TRPV4: variants seen among roughly 807,000 people sequenced by gnomAD.
TRPV4 encodes the protein transient receptor potential cation channel subfamily V member 4.
In TRPV4, 58 loss-of-function variants were observed where a neutral mutation model predicts 84.1. That is an observed-to-expected ratio of 0.69 (90% confidence interval 0.56 to 0.86). The LOEUF is 0.86. Ranked by LOEUF, TRPV4 falls within the 40% of genes least tolerant of loss-of-function variation. The pLI, the probability that TRPV4 is intolerant of heterozygous loss-of-function variation, is 0.00. For missense variants in TRPV4, 879 were observed against 1,181.1 expected, an observed-to-expected ratio of 0.74 and a Z score of 3.75; for synonymous variants, 489 against 500.9, an observed-to-expected ratio of 0.98 and a Z score of 0.32.
intron 15 of TRPV4, 133 bp downstream of exon 15, chr12:109,784,183 G>A (rs1889532839): frequency 2.1e-6 from 3 of 1,419,922 alleles, no homozygotes; most frequent in Admixed American, 1.7e-5. Flanking sequence ...ACAAGCAGCA[G>A]AGGAAGCTCA....
At chr12:109,800,889 C>A in intron 4 of TRPV4, 131 bp from the exon 5 acceptor site, 1 of 837,624 alleles carries the variant, frequency 1.2e-6, no homozygotes, top group Non-Finnish European at 2.0e-6. Flanking sequence ...TGCCCAGCGA[C>A]ACCCAAGGGC....
intron 1 of TRPV4, 75 bp downstream of exon 1, chr12:109,833,275 G>A (rs1892466076): frequency 6.6e-6 from 1 of 152,298 alleles, no homozygotes; most frequent in African/African-American, 2.4e-5. Flanking sequence ...GGAGCCGGAC[G>A]GGCCACGGAG....
intron 3 of TRPV4, among the ~76,000 whole-genome samples, chr12:109,806,147 G>A (rs1592850341): frequency 2.0e-5 from 3 of 152,188 alleles, no homozygotes; most frequent in South Asian, 2.1e-4. Flanking sequence ...AGGCCACGTC[G>A]CGTGGCCAGG....
intron 1 of TRPV4, among the ~76,000 whole-genome samples, chr12:109,820,012 C>T (rs1892029876): frequency 1.3e-5 from 2 of 152,180 alleles, no homozygotes; most frequent in Non-Finnish European, 2.9e-5. Context: ...GCATCTTCCT[C>T]TGGAAAGGGC....
intron 13 of TRPV4, among the ~76,000 whole-genome samples, chr12:109,788,139 C>T (rs1182697242): frequency 2.6e-5 from 4 of 152,208 alleles, no homozygotes; most frequent in African/African-American, 4.8e-5. Context: ...TAGGTGGAGC[C>T]GACTGTGTCC....
intron 1 of TRPV4, among the ~76,000 whole-genome samples, chr12:109,825,502 T>A (rs1033164210): frequency 1.3e-5 from 2 of 152,110 alleles, no homozygotes; most frequent in Admixed American, 1.3e-4. Flanking sequence ...AGGTGGGGGA[T>A]GATGACATTG....
At chr12:109,801,851 G>A (rs1890807335) in intron 4 of TRPV4, among the ~76,000 whole-genome samples, 1 of 151,964 alleles carries the variant, frequency 6.6e-6, no homozygotes, top group African/African-American at 2.4e-5. Flanking sequence ...AACTCCTAGA[G>A]GAAACAACAG....
chr12:109,793,956 T>C lies in TRPV4; in HGVS notation c.1558A>G (p.Thr520Ala). 2 of 1,610,342 alleles carry C rather than the reference T, an allele frequency of 1.2e-6. No homozygotes were observed. Among genetic ancestry groups the C allele is most frequent in the South Asian group, 1.1e-5 (1 of 89,676 alleles). The change falls in exon 9 of 16, where the codon ACT (threonine) becomes GCT (alanine). Residue 520 changes from threonine (T) to alanine (A), a missense_variant. Around this residue, in one of 4 missense-constraint regions of TRPV4, gnomAD observed 521 missense variants for 686.6 expected, o/e 0.76. Transcript: ENST00000261740. This position sits in a 1 kb window ranked among gnomAD's most constrained non-coding sequence, Gnocchi z 4.0. ...RLAGEVITLF[T>A]GVLFFFTNIK... ...TTGGTGAAGAAGAACAGGACCCCAG[T>C]GAAGAGCGTAATGACCTCGCCAGCC... is the stretch of plus-strand genomic sequence containing the variant.
At chr12:109,791,181 G>C (rs557423563) in intron 12 of TRPV4, among the ~76,000 whole-genome samples, 1 of 151,912 alleles carries the variant, frequency 6.6e-6, no homozygotes, top group Non-Finnish European at 1.5e-5. Flanking sequence ...TCAGGAGTTC[G>C]AGACCAGCCT....
rs1207379343 is a variant in TRPV4 at position 109,814,410 on chromosome 12, C to T, written c.386+1G>A. ...CAGGCCAGGAAGCTAACAATACTCA[C>T]TCTATGATCTTCTTCCTCCACCTCT... On this transcript the variant is annotated splice_donor_variant, in intron 2 of 15. Transcript: ENST00000261740. LOFTEE classifies it high-confidence loss of function. This position sits in a 1 kb window ranked among gnomAD's most constrained non-coding sequence, Gnocchi z 5.4. 2 of 1,613,970 alleles carry T rather than the reference C, an allele frequency of 1.2e-6. No individual in the cohort carries two copies. Among genetic ancestry groups the T allele is most frequent in the South Asian group, 2.2e-5 (2 of 91,004 alleles).
chr12:109,788,122 G>C (rs1483022937), intron 13 of TRPV4, among the ~76,000 whole-genome samples: 1 of 152,220 alleles, frequency 6.6e-6, no homozygotes, highest in Non-Finnish European at 1.5e-5. Context: ...AAGTCACTCA[G>C]TCATGCTAGG....
chr12:109,813,849 A>ATGGATGGATGGATGATGGG (rs1891683826), intron 2 of TRPV4, among the ~76,000 whole-genome samples: 1 of 152,028 alleles, frequency 6.6e-6, no homozygotes, highest in Admixed American at 6.6e-5. Flanking sequence ...TGATGGATGA[A>ATGGATGGATGGATGATGGG]TGGATGGATG....
chr12:109,812,229 G>T (rs1891563850), intron 2 of TRPV4, among the ~76,000 whole-genome samples: 1 of 152,230 alleles, frequency 6.6e-6, no homozygotes, highest in Middle Eastern at 3.2e-3. Context: ...GACCAGACAA[G>T]GTGGTCAAGG....
chr12:109,809,652 CCCAT>C lies in TRPV4; in HGVS notation c.387-1188_387-1185del, dbSNP rs201492027. ...ATCCATCTGCCTATCCACCCACCCACCCATCCATCCATCCATCCATCCATCCATC... is the reference window on the plus strand; with the variant it reads ...ATCCATCTGCCTATCCACCCACCCACCCATCCATCCATCCATCCATCCATC... On this transcript the variant is annotated intron_variant, in intron 2 of 15. Coordinates refer to ENST00000261740, the MANE Select transcript of TRPV4 (RefSeq NM_021625.5). Among the ~76,000 whole-genome samples the C allele has an allele frequency of 2.8e-3, 420 of 148,396 alleles. 2 individuals carry two copies. The highest frequency in any genetic ancestry group is 7.2e-3 in the African/African-American group (291 of 40,152).
At chr12:109,809,037 CCCATCCATCCAT>C (rs139431272) in intron 2 of TRPV4, among the ~76,000 whole-genome samples, 1 of 143,840 alleles carries the variant, frequency 7.0e-6, no homozygotes, top group East Asian at 2.2e-4. Context: ...CATCCACCCA[CCCATCCATCCAT>C]CCATCCATCA....
chr12:109,792,762 C>T lies in TRPV4; in HGVS notation c.1714G>A (p.Glu572Lys), dbSNP rs1312427314. The change falls in exon 11 of 16, where the codon GAG becomes AAG. Residue 572 changes from glutamate (E) to lysine (K), a missense_variant. Physicochemically the swap from Glu to Lys is moderately conservative, Grantham distance 56 (BLOSUM62 1). Transcript: ENST00000261740. ...AAGACCATCACGGCCAGGTAGGCCT[C>T]GATCCCTGCCAGGTAGAGGGCTGCT... ...VSAALYLAGI[E>K]AYLAVMVFAL... 9 of 1,613,950 alleles carry T rather than the reference C, an allele frequency of 5.6e-6. No homozygotes were observed. The highest frequency in any genetic ancestry group is 1.3e-5 in the African/African-American group (1 of 74,926).
rs1392518523 is a variant in TRPV4 at position 109,792,761 on chromosome 12, T to C, written c.1715A>G (p.Glu572Gly). Residue 572 changes from glutamate (E) to glycine (G), a missense_variant, in exon 11 of 16, where the codon GAG becomes GGG. Physicochemically the swap from Glu to Gly is moderately conservative, Grantham distance 98. Coordinates refer to ENST00000261740, the MANE Select transcript of TRPV4 (RefSeq NM_021625.5). ...AAAGACCATCACGGCCAGGTAGGCCTCGATCCCTGCCAGGTAGAGGGCTGC... is the reference window on the plus strand; with the variant it reads ...AAAGACCATCACGGCCAGGTAGGCCCCGATCCCTGCCAGGTAGAGGGCTGC... ...VSAALYLAGI[E>G]AYLAVMVFAL... 8.1e-6 allele frequency: 13 copies of C among 1,614,048 alleles called. No homozygotes were observed. Among genetic ancestry groups the C allele is most frequent in the Non-Finnish European group, 1.1e-5 (13 of 1,180,006 alleles).
In TRPV4 at chr12:109,793,463, C is replaced by A; in HGVS notation, c.1658+64G>T. The A allele has an allele frequency of 7.2e-7, 1 of 1,384,060 alleles. No homozygotes were observed. Among genetic ancestry groups the A allele is most frequent in the Non-Finnish European group, 1.0e-6 (1 of 971,436 alleles). 85.7% of individuals were successfully genotyped at this position (1,384,060 alleles called of 1,614,324 possible). A position where few individuals can be genotyped will look rare whatever the true frequency, so the allele number is the denominator to read the frequency against. ...GAATCACCTCTCTCCTGAATCTGGA[C>A]GACCTAGCAGCCCAAACCCACCTTC... On this transcript the variant is annotated intron_variant, in intron 10 of 15. Coordinates refer to ENST00000261740, the MANE Select transcript of TRPV4 (RefSeq NM_021625.5). This position sits in a 1 kb window ranked among gnomAD's most constrained non-coding sequence, Gnocchi z 4.0.
chr12:109,802,357 A>T (rs1890843387), intron 4 of TRPV4, among the ~76,000 whole-genome samples: 1 of 149,070 alleles, frequency 6.7e-6, no homozygotes. Flanking sequence ...GCTGGAGTGC[A>T]ATGGCGCGAT....
Sources: allele counts gnomAD v4.1 joint callset (sites outside exome capture counted in the v4.1 genomes callset), GRCh38; gene constraint gnomAD v4.1.1; regional missense constraint gnomAD v4.1.1; non-coding constraint Gnocchi (gnomAD v3.1); transcripts MANE v1.5; gene names NCBI Gene and HGNC (gene_info 2026-07-23, HGNC 2026-07-21).